Variants in FRAS1 observed in about 807,000 individuals in gnomAD.
FRAS1 encodes the protein extracellular matrix organizing protein FRAS1.
In FRAS1, 290 loss-of-function variants were observed where a neutral mutation model predicts 435.2. The observed-to-expected ratio is 0.67, with a 90% confidence interval of 0.61 to 0.73. The LOEUF (loss-of-function observed/expected upper bound fraction) is 0.73, where lower values mean the gene tolerates loss of function less well. Among genes scored for constraint, FRAS1 ranks in the 30% least tolerant of loss-of-function variants. The pLI is 0.00. For synonymous variants in FRAS1, 1,800 were observed against 1,851.0 expected (o/e 0.97, Z 0.71); for missense variants, 4,860 against 5,001.5 (o/e 0.97, Z 0.85).
chr4:78,222,335 C>T (rs190276636), intron 2 of FRAS1, among the ~76,000 whole-genome samples: 29 of 152,310 alleles, frequency 1.9e-4, no homozygotes, highest in African/African-American at 6.7e-4. Context: ...CTGCTTATTT[C>T]ATGCGTGTGC....
intron 70 of FRAS1, among the ~76,000 whole-genome samples, chr4:78,530,722 T>C (rs1721685332): frequency 6.6e-6 from 1 of 152,206 alleles, no homozygotes; most frequent in Middle Eastern, 3.2e-3. Context: ...ACAAGTACCA[T>C]GCTGTTTTGG....
At chr4:78,525,354 A>G (rs1721502662) in intron 69 of FRAS1, among the ~76,000 whole-genome samples, 1 of 152,220 alleles carries the variant, frequency 6.6e-6, no homozygotes, top group South Asian at 2.1e-4. Flanking sequence ...GCTTTGAAGG[A>G]AAACTGCAGA....
chr4:78,275,475 G>A (rs190939484), intron 9 of FRAS1, among the ~76,000 whole-genome samples: 1 of 152,116 alleles, frequency 6.6e-6, no homozygotes, highest in African/African-American at 2.4e-5. Flanking sequence ...TCCATGTTTA[G>A]TGCTTCCTTC....
chr4:78,252,325 ATT>A (rs2110133211), intron 4 of FRAS1, 65 bp from the exon 5 acceptor site: 2 of 1,467,116 alleles, frequency 1.4e-6, no homozygotes, highest in South Asian at 2.4e-5. Context: ...ATTTGTTTCT[ATT>A]TGGCTGAATG....
intron 9 of FRAS1, among the ~76,000 whole-genome samples, chr4:78,275,635 A>T (rs958042536): frequency 3.9e-5 from 6 of 152,128 alleles, no homozygotes; most frequent in African/African-American, 9.7e-5. Context: ...GAATGTTGAA[A>T]ATTGGCCCCC....
chr4:78,502,054 T>A (rs1441616195), intron 61 of FRAS1, among the ~76,000 whole-genome samples: 1 of 152,228 alleles, frequency 6.6e-6, no homozygotes, highest in African/African-American at 2.4e-5. Flanking sequence ...TTCTGAGGCC[T>A]CTGTTCCGTT....
At position 78,515,830 on chromosome 4, in the gene FRAS1, T is replaced by C. The variant is rs1302738280; in HGVS notation, c.10206T>C (p.Asp3402=). 7.4e-6 allele frequency: 12 copies of C among 1,614,042 alleles called. No individual in the cohort carries two copies. Among genetic ancestry groups the C allele is most frequent in the South Asian group, 2.2e-5 (2 of 91,086 alleles). ...GGTTCCTGGATGATGTGGTCTATGA[T>C]AGCACTGCCCTGGGGCCTGGCTACG... ...EAGFLDDVVY[D]STALGPGYDR... Residue 3402 remains aspartate (D), a synonymous_variant, in exon 66 of 74, where the codon GAT becomes GAC. Transcript: ENST00000512123.
chr4:78,282,747 G>A (rs1245327017), intron 11 of FRAS1, 73 bp from the exon 12 acceptor site: 3 of 1,565,520 alleles, frequency 1.9e-6, no homozygotes, highest in Non-Finnish European at 2.6e-6. Context: ...GAAATTGTAA[G>A]TTCTTCAGCA....
chr4:78,318,696 A>C, intron 17 of FRAS1, 114 bp from the exon 18 acceptor site: 1 of 976,884 alleles, frequency 1.0e-6, no homozygotes, highest in East Asian at 2.6e-5. Context: ...TAGAAAAATA[A>C]TATGCTGAAA....
chr4:78,319,579 G>GA (rs141613490), intron 18 of FRAS1: 143 of 284,176 alleles, frequency 5.0e-4, no homozygotes, highest in South Asian at 8.2e-4. Context: ...AAAGCTACGT[G>GA]AAAAAAAAAT....
At chr4:78,100,494 A>T (rs891914063) in intron 2 of FRAS1, among the ~76,000 whole-genome samples, 15 of 152,264 alleles carry the variant, frequency 9.9e-5, no homozygotes, top group Non-Finnish European at 1.6e-4. Flanking sequence ...TTCATATCAG[A>T]GTGAGCTCTT....
At chr4:78,539,887 T>C (rs919499887) in intron 73 of FRAS1, among the ~76,000 whole-genome samples, 8 of 152,222 alleles carry the variant, frequency 5.3e-5, no homozygotes, top group African/African-American at 1.9e-4. Context: ...ACTTTCAAGA[T>C]GAAATTTCAC....
intron 2 of FRAS1, among the ~76,000 whole-genome samples, chr4:78,109,489 A>T (rs1291341189): frequency 1.3e-5 from 2 of 151,626 alleles, no homozygotes; most frequent in African/African-American, 4.9e-5. Context: ...ACAGAGCCAA[A>T]GACAAAAACC....
At chr4:78,058,132 G>C (rs374683314) in intron 1 of FRAS1, 47 bp downstream of exon 1, 2 of 1,491,770 alleles carry the variant, frequency 1.3e-6, no homozygotes, top group South Asian at 2.3e-5. Context: ...GTGTGCGTGT[G>C]TGTGTGTATG....
intron 2 of FRAS1, among the ~76,000 whole-genome samples, chr4:78,160,304 G>C (rs1040885783): frequency 6.6e-6 from 1 of 152,252 alleles, no homozygotes; most frequent in East Asian, 1.9e-4. Context: ...GGTCAAGCGT[G>C]TCAAATGTAG....
At chr4:78,078,468 T>G (rs1560510040) in intron 2 of FRAS1, among the ~76,000 whole-genome samples, 1 of 152,276 alleles carries the variant, frequency 6.6e-6, no homozygotes, top group East Asian at 1.9e-4. Flanking sequence ...AACCAACATT[T>G]AGTTTGAGAA....
chr4:78,386,639 T>C (rs555674031), intron 28 of FRAS1, among the ~76,000 whole-genome samples: 152 of 152,322 alleles, frequency 1.0e-3, no homozygotes, highest in Middle Eastern at 6.8e-3. Context: ...TGAAATAATA[T>C]TTTCTTTGGC....
At chr4:78,077,230 T>C (rs937256577) in intron 2 of FRAS1, among the ~76,000 whole-genome samples, 9 of 147,142 alleles carry the variant, frequency 6.1e-5, no homozygotes, top group African/African-American at 2.4e-4. Flanking sequence ...ATTAGCTGAG[T>C]GTGGTGGCAT....
At chr4:78,347,025 C>G (rs889448334) in intron 20 of FRAS1, among the ~76,000 whole-genome samples, 4 of 152,048 alleles carry the variant, frequency 2.6e-5, no homozygotes, top group Non-Finnish European at 4.4e-5. Context: ...TGTGATAATC[C>G]CCTCCAGATC....
Sources: allele counts gnomAD v4.1 joint callset (sites outside exome capture counted in the v4.1 genomes callset), GRCh38; gene constraint gnomAD v4.1.1; transcripts MANE v1.5; gene names NCBI Gene and HGNC (gene_info 2026-07-23, HGNC 2026-07-21).